The following ST6GAL1 variants were observed in gnomAD, a reference collection of about 807,000 sequenced individuals.
ST6GAL1 encodes beta-galactoside alpha-2,6-sialyltransferase 1.
Under a neutral mutation model 38.0 loss-of-function variants are expected in ST6GAL1, and 20 were observed. The ratio of observed to expected loss-of-function variants is 0.53; its 90% CI spans 0.37 to 0.77. The LOEUF (loss-of-function observed/expected upper bound fraction) is 0.77. Among genes scored for constraint, ST6GAL1 ranks in the 30% least tolerant of loss-of-function variants. ST6GAL1 has a pLI of 0.00. For missense variants in ST6GAL1, 432 were observed against 496.4 expected (o/e 0.87, Z 1.23); for synonymous variants, 196 against 188.2 (o/e 1.04, Z -0.34).
At chr3:186,966,253 A>T (rs1715109874) in intron 2 of ST6GAL1, among the ~76,000 whole-genome samples, 1 of 152,190 alleles carries the variant, frequency 6.6e-6, no homozygotes, top group Admixed American at 6.5e-5. Context: ...AAAGGGAAGG[A>T]AGGGAAGAGG....
intron 5 of ST6GAL1, chr3:187,072,612 G>C: frequency 2.2e-6 from 1 of 464,702 alleles, no homozygotes; most frequent in South Asian, 2.0e-5. Context: ...AGCCTGACTG[G>C]ATGGAACCCT....
chr3:186,972,025 T>C (rs1715365530), intron 2 of ST6GAL1, among the ~76,000 whole-genome samples: 2 of 152,310 alleles, frequency 1.3e-5, no homozygotes, highest in South Asian at 4.1e-4. Context: ...AATGATGATA[T>C]TGCACTTCTT....
At chr3:186,964,130 G>A (rs2108527356) in intron 2 of ST6GAL1, 1 of 152,368 alleles carries the variant, frequency 6.6e-6, no homozygotes, top group South Asian at 2.1e-4. Flanking sequence ...CAGGTCTTTG[G>A]AATCTTGATG....
chr3:187,000,803 G>A (rs534405524), intron 2 of ST6GAL1, among the ~76,000 whole-genome samples: 51 of 152,194 alleles, frequency 3.4e-4, no homozygotes, highest in Admixed American at 1.4e-3. Context: ...AGGTATTTTC[G>A]TAAGGTTTCA....
intron 1 of ST6GAL1, among the ~76,000 whole-genome samples, chr3:186,946,337 A>C (rs958950368): frequency 6.6e-6 from 1 of 152,036 alleles, no homozygotes; most frequent in African/African-American, 2.4e-5. Flanking sequence ...TTTCCTTATA[A>C]AATAAAATAA....
chr3:187,003,215 C>T (rs1292286682), intron 2 of ST6GAL1, among the ~76,000 whole-genome samples: 1 of 152,226 alleles, frequency 6.6e-6, no homozygotes, highest in Non-Finnish European at 1.5e-5. Context: ...AATGCCCCAG[C>T]TCAAGGCAGT....
rs184122319 is a variant in ST6GAL1 at position 186,971,308 on chromosome 3, G to A, written c.-183+7382G>A. ...GTTTTGCCATGTTGGCCAGTGGCCA[G>A]TCTGGTCTCGAACTCCTGATCTCAG... On this transcript the variant is annotated intron_variant, in intron 2 of 7. Transcript: ENST00000169298. Among the ~76,000 whole-genome samples the A allele has an allele frequency of 2.2e-4, 34 of 152,332 alleles. 1 individual carries two copies. The South Asian group carries it at 6.2e-3, about 28-fold the overall frequency.
chr3:187,031,299 A>G (rs1343296694), intron 2 of ST6GAL1, among the ~76,000 whole-genome samples: 1 of 152,222 alleles, frequency 6.6e-6, no homozygotes, highest in Non-Finnish European at 1.5e-5. Flanking sequence ...AGAGTCTTCG[A>G]CATTTAGAGT....
chr3:186,974,897 G>C (rs1715472560), intron 2 of ST6GAL1: 1 of 152,154 alleles, frequency 6.6e-6, no homozygotes, highest in African/African-American at 2.4e-5. Context: ...TTTCTACCCT[G>C]TAACTCTTAT....
intron 2 of ST6GAL1, chr3:186,986,812 G>T (rs116215727): frequency 1.3e-5 from 2 of 152,094 alleles, no homozygotes; most frequent in South Asian, 4.1e-4. Context: ...CAAATCAGAT[G>T]CATCTTATAG....
At chr3:187,013,680 G>A (rs1251080464) in intron 2 of ST6GAL1, among the ~76,000 whole-genome samples, 1 of 152,188 alleles carries the variant, frequency 6.6e-6, no homozygotes, top group Non-Finnish European at 1.5e-5. Flanking sequence ...CACCTCCTGG[G>A]TTCAAGCTAT....
intron 1 of ST6GAL1, among the ~76,000 whole-genome samples, chr3:186,951,464 G>A (rs904800000): frequency 6.6e-6 from 1 of 152,122 alleles, no homozygotes; most frequent in Admixed American, 6.5e-5. Context: ...TGTTACTGGT[G>A]GGAATTATAA....
At chr3:187,057,887 C>A (rs1718766353) in intron 5 of ST6GAL1, among the ~76,000 whole-genome samples, 1 of 152,332 alleles carries the variant, frequency 6.6e-6, no homozygotes, top group African/African-American at 2.4e-5. Context: ...TTCAGCTATG[C>A]CCTGCCCCCA....
At chr3:187,037,323 CTTTA>C (rs1298018204) in intron 2 of ST6GAL1, among the ~76,000 whole-genome samples, 1 of 152,138 alleles carries the variant, frequency 6.6e-6, no homozygotes, top group African/African-American at 2.4e-5. Context: ...TTAACCATAA[CTTTA>C]TATGCTTGTT....
At chr3:186,968,680 A>G (rs533613742) in intron 2 of ST6GAL1, among the ~76,000 whole-genome samples, 27 of 152,226 alleles carry the variant, frequency 1.8e-4, no homozygotes, top group Admixed American at 1.1e-3. Context: ...CTGTTCATCA[A>G]TGTTGTGTGT....
chr3:186,974,960 A>G (rs527728530), intron 2 of ST6GAL1: 2 of 152,358 alleles, frequency 1.3e-5, no homozygotes, highest in South Asian at 4.1e-4. Flanking sequence ...GCAGTGAATT[A>G]TTGACTGAGC....
rs374397154 is a variant in ST6GAL1 at position 187,012,257 on chromosome 3, AT to A, written c.-182-26475del. Among the ~76,000 whole-genome samples, 8 of 144,006 alleles carry A rather than the reference AT, an allele frequency of 5.6e-5. No homozygotes were observed. The South Asian group carries it at 6.7e-4, about 12-fold the overall frequency. The allele number at this position is 144,006 out of a possible 152,430, so 94.5% of individuals were successfully genotyped here. On this transcript the variant is annotated intron_variant, in intron 2 of 7. Transcript: ENST00000169298. ...GTCTGTATTTACTGCATTTTTTTTC[AT>A]TTTTTTTTTCTTTTTTTGAGACAGG...
intron 2 of ST6GAL1, among the ~76,000 whole-genome samples, chr3:187,010,145 C>T (rs1231481305): frequency 6.6e-6 from 1 of 152,148 alleles, no homozygotes; most frequent in African/African-American, 2.4e-5. Context: ...CATAAAACTG[C>T]AGTCTTTGCT....
chr3:186,956,245 C>G (rs1714746109), intron 1 of ST6GAL1, among the ~76,000 whole-genome samples: 1 of 152,192 alleles, frequency 6.6e-6, no homozygotes, highest in Admixed American at 6.5e-5. Context: ...AAGCCCTTAT[C>G]TGCAACTTTC....
Sources: gnomAD v4.1 joint callset for allele counts (sites outside exome capture counted in the v4.1 genomes callset) on GRCh38, gnomAD v4.1.1 for gene constraint, MANE v1.5 for transcripts, NCBI Gene and HGNC (gene_info 2026-07-23, HGNC 2026-07-21) for gene names.